DOK5: variants seen among roughly 807,000 people sequenced by gnomAD.
DOK5 encodes the protein downstream of tyrosine kinase 5.
In DOK5, 27 loss-of-function variants were observed where a neutral mutation model predicts 43.3. The ratio of observed to expected loss-of-function variants is 0.62; its 90% confidence interval spans 0.46 to 0.86. The LOEUF (loss-of-function observed/expected upper bound fraction) is 0.86, where lower values mean the gene tolerates loss of function less well. Ranked by LOEUF, DOK5 falls within the 40% of genes least tolerant of loss-of-function variation. The pLI is 0.00. For missense variants in DOK5, 373 were observed against 392.9 expected, an observed-to-expected ratio of 0.95 and a Z score of 0.43; for synonymous variants, 146 against 140.1, an observed-to-expected ratio of 1.04 and a Z score of -0.30.
intron 2 of DOK5, among the ~76,000 whole-genome samples, chr20:54,580,697 T>G (rs77971637): frequency 0.076 from 11,515 of 152,240 alleles, 1,479 homozygotes; most frequent in African/African-American, 0.26. Context: ...CATTTGCCCA[T>G]TTTAAAATTG....
chr20:54,637,861 G>T (rs957649136), intron 6 of DOK5, among the ~76,000 whole-genome samples: 9 of 152,334 alleles, frequency 5.9e-5, no homozygotes, highest in Admixed American at 2.0e-4. Context: ...GGTGGCTCAC[G>T]CCTGTAATCC....
rs76507926 is a variant in DOK5, at chr20:54,606,964, T to C, written c.600-3424T>C. Reference sequence around the variant, plus strand: ...TGGTGATTTCTTGGCCAGATCTGGTTGATTAAGGCCTTTTGACTCTCACAA... The same window carrying C: ...TGGTGATTTCTTGGCCAGATCTGGTCGATTAAGGCCTTTTGACTCTCACAA... On this transcript the variant is annotated intron_variant, in intron 5 of 7. Coordinates refer to ENST00000262593, the MANE Select transcript of DOK5 (RefSeq NM_018431.5). 3.2e-4 allele frequency among the ~76,000 whole-genome samples: 48 copies of C among 152,344 alleles called. No individual in the cohort carries two copies. In the East Asian group the frequency reaches 8.5e-3, roughly 27 times the overall value.
Position 54,480,955 on chromosome 20 carries a change from T to TATC in DOK5, c.66+4944_66+4946dup, listed in dbSNP as rs1369867973. 4.5e-4 allele frequency among the ~76,000 whole-genome samples: 56 copies of TATC among 125,836 alleles called. 1 individual carries two copies. Among genetic ancestry groups the TATC allele is most frequent in the African/African-American group, 1.1e-3 (30 of 26,310 alleles). 82.6% of individuals were successfully genotyped at this position (125,836 alleles called of 152,430 possible). A position where few individuals can be genotyped will look rare whatever the true frequency, so the allele number is the denominator to read the frequency against. On this transcript the variant is annotated intron_variant, in intron 1 of 7. Transcript: ENST00000262593. ...ATCTATCATCTATCTATCTATCATC[T>TATC]ATCTATCATCTATCATCTATCTATC... is the stretch of plus-strand genomic sequence containing the variant.
intron 2 of DOK5, among the ~76,000 whole-genome samples, chr20:54,584,182 T>C (rs1300659802): frequency 6.6e-6 from 1 of 151,628 alleles, no homozygotes; most frequent in Admixed American, 6.6e-5. Context: ...TAAATAAATA[T>C]TGATAGGAAA....
At position 54,546,548 on chromosome 20, in the gene DOK5, C is replaced by G. The variant is rs931039305; in HGVS notation, c.67-8385C>G. On this transcript the variant is annotated intron_variant, in intron 1 of 7. Transcript: ENST00000262593. ...TATCTCCTAATGCTATCCCTCCCCC[C>G]TCCCCTGACCCCACAGCAGGCCCCA... Among the ~76,000 whole-genome samples, 8 of 151,256 alleles carry G rather than the reference C, an allele frequency of 5.3e-5. No homozygotes were observed. The South Asian group carries it at 6.3e-4, about 12-fold the overall frequency.
chr20:54,625,628 C>A (rs1406649386), intron 6 of DOK5, among the ~76,000 whole-genome samples: 1 of 152,140 alleles, frequency 6.6e-6, no homozygotes, highest in Non-Finnish European at 1.5e-5. Flanking sequence ...ACTTTACCAC[C>A]CTTAGTACTT....
intron 1 of DOK5, among the ~76,000 whole-genome samples, chr20:54,489,814 T>C (rs6014032): frequency 0.23 from 34,324 of 152,090 alleles, 7,054 homozygotes; most frequent in African/African-American, 0.55. Context: ...CCCCTCATCA[T>C]ACCCATTGGA....
chr20:54,639,643 A>C (rs1250783305), intron 6 of DOK5, among the ~76,000 whole-genome samples: 1 of 152,110 alleles, frequency 6.6e-6, no homozygotes. Context: ...ACTATATAAA[A>C]ATATATTTTT....
At chr20:54,550,955 CA>C (rs1984508717) in intron 1 of DOK5, among the ~76,000 whole-genome samples, 1 of 152,104 alleles carries the variant, frequency 6.6e-6, no homozygotes, top group East Asian at 1.9e-4. Context: ...ATGCTGGTTT[CA>C]TTTTTTAAGA....
intron 1 of DOK5, among the ~76,000 whole-genome samples, chr20:54,552,685 CCTGA>C (rs1984571093): frequency 6.6e-6 from 1 of 151,684 alleles, no homozygotes; most frequent in Admixed American, 6.6e-5. Context: ...TTGAGTAATC[CCTGA>C]CTTTTTTATT....
chr20:54,515,279 G>T (rs1225399380), intron 1 of DOK5, among the ~76,000 whole-genome samples: 1 of 152,158 alleles, frequency 6.6e-6, no homozygotes, highest in Non-Finnish European at 1.5e-5. Flanking sequence ...CTCCCAAAGT[G>T]CTGGATTACA....
intron 5 of DOK5, among the ~76,000 whole-genome samples, chr20:54,602,920 C>T (rs1229396146): frequency 6.6e-6 from 1 of 152,184 alleles, no homozygotes; most frequent in Non-Finnish European, 1.5e-5. Context: ...ATCCACCCGC[C>T]TAGGCCTCCC....
chr20:54,649,052 G>A (rs1979577603), intron 7 of DOK5, among the ~76,000 whole-genome samples: 1 of 152,170 alleles, frequency 6.6e-6, no homozygotes, highest in Non-Finnish European at 1.5e-5. Context: ...GATAATTTGA[G>A]GAAATCAAAG....
chr20:54,489,034 A>G (rs985190451), intron 1 of DOK5, among the ~76,000 whole-genome samples: 6 of 152,146 alleles, frequency 3.9e-5, no homozygotes, highest in Non-Finnish European at 8.8e-5. Context: ...GTGTATTCAG[A>G]TGTAAGAAGA....
At chr20:54,642,282 G>A (rs1979157618) in intron 6 of DOK5, among the ~76,000 whole-genome samples, 1 of 152,120 alleles carries the variant, frequency 6.6e-6, no homozygotes, top group Non-Finnish European at 1.5e-5. Context: ...GTTGCCTGCT[G>A]CCAAAAGCCA....
At chr20:54,514,678 G>A (rs1388536133) in intron 1 of DOK5, among the ~76,000 whole-genome samples, 2 of 147,648 alleles carry the variant, frequency 1.4e-5, no homozygotes, top group Non-Finnish European at 3.0e-5. Context: ...GGAATATGGT[G>A]TCTCTTTGGG....
intron 4 of DOK5, among the ~76,000 whole-genome samples, chr20:54,590,521 G>A (rs1985946102): frequency 6.6e-6 from 1 of 151,798 alleles, no homozygotes; most frequent in Admixed American, 6.6e-5. Context: ...TTCAAGGGGG[G>A]GGAATATGCT....
chr20:54,644,997 CTTTTTTTTTTTTTTTT>C (rs869031533), intron 7 of DOK5, among the ~76,000 whole-genome samples: 119 of 82,422 alleles, frequency 1.4e-3, no homozygotes, highest in African/African-American at 5.1e-3. Flanking sequence ...TAAAAAAACT[CTTTTTTTTTTTTTTTT>C]TTTTTTTTTT....
At chr20:54,595,264 C>T (rs941987800) in intron 5 of DOK5, among the ~76,000 whole-genome samples, 1 of 152,016 alleles carries the variant, frequency 6.6e-6, no homozygotes, top group African/African-American at 2.4e-5. Context: ...TGCGTGAACC[C>T]GGGAGGCGGA....
Sources: gnomAD v4.1 joint callset for allele counts (sites outside exome capture counted in the v4.1 genomes callset) on GRCh38, gnomAD v4.1.1 for gene constraint, MANE v1.5 for transcripts, NCBI Gene and HGNC (gene_info 2026-07-23, HGNC 2026-07-21) for gene names.